Variants in TRPM2 observed in about 807,000 individuals in gnomAD.
TRPM2 encodes transient receptor potential cation channel subfamily M member 2, also known as estrogen-responsive element-associated gene 1 protein.
Under a neutral mutation model 174.0 loss-of-function variants are expected in TRPM2, and 161 were observed. The observed-to-expected ratio is 0.93, with a 90% CI of 0.81 to 1.05. TRPM2 has a LOEUF of 1.05. TRPM2 is among the 50% of genes least tolerant of loss of function. The pLI is 0.00. For missense variants in TRPM2, 2,057 were observed against 2,038.0 expected (o/e 1.01, Z -0.18); for synonymous variants, 954 against 861.3 (o/e 1.11, Z -1.88).
chr21:44,423,837 T>A, intron 23 of TRPM2, 105 bp downstream of exon 23: 2 of 959,340 alleles, frequency 2.1e-6, no homozygotes, highest in Non-Finnish European at 3.2e-6. Context: ...GGAGTGATGG[T>A]GAGGAGGAGG....
intron 16 of TRPM2, among the ~76,000 whole-genome samples, chr21:44,402,688 C>G (rs1463806699): frequency 6.6e-6 from 1 of 152,202 alleles, no homozygotes; most frequent in African/African-American, 2.4e-5. Flanking sequence ...GGCTCAGAGG[C>G]TATCTCCCTG....
At chr21:44,357,577 G>C (rs1215316042) in intron 2 of TRPM2, among the ~76,000 whole-genome samples, 1 of 152,204 alleles carries the variant, frequency 6.6e-6, no homozygotes, top group South Asian at 2.1e-4. Context: ...CGAGAAGCAC[G>C]TGGCCACCTG....
chr21:44,441,942 A>C lies in TRPM2; in HGVS notation c.*125A>C. The C allele has an allele frequency of 7.5e-7, 1 of 1,337,194 alleles. No individual in the cohort carries two copies. Among genetic ancestry groups the C allele is most frequent in the Non-Finnish European group, 9.7e-7 (1 of 1,028,724 alleles). The allele number at this position is 1,337,194 out of a possible 1,614,324, so 82.8% of individuals were successfully genotyped here. ...CCCTGCACATGATGGGGTTTGGTGG[A>C]CCCAGTGCCCCTCACGGCTGCCGCA... is the stretch of plus-strand genomic sequence containing the variant. On this transcript the variant is annotated 3_prime_UTR_variant, in exon 32 of 32. Transcript: ENST00000397928.
At chr21:44,434,490 G>A (rs1042741137) in intron 27 of TRPM2, among the ~76,000 whole-genome samples, 5 of 152,040 alleles carry the variant, frequency 3.3e-5, no homozygotes, top group South Asian at 2.1e-4. Context: ...CGCCCCCACC[G>A]CACGATAGCG....
chr21:44,363,189 T>A (rs142128755), intron 2 of TRPM2, among the ~76,000 whole-genome samples: 2 of 152,366 alleles, frequency 1.3e-5, no homozygotes, highest in Middle Eastern at 3.4e-3. Context: ...CGTGTGTAGG[T>A]TTATGTCTTT....
At position 44,364,301 on chromosome 21, in the gene TRPM2, C is replaced by T. The variant is rs374841324; in HGVS notation, c.423+19C>T. 1.4e-5 allele frequency: 22 copies of T among 1,612,424 alleles called. No individual in the cohort carries two copies. The East Asian group carries it at 2.5e-4, about 18-fold the overall frequency. On this transcript the variant is annotated intron_variant, in intron 3 of 31. Transcript: ENST00000397928. ...GAAAAAGGTTGGTTTCCATCACTCT[C>T]GCTCTGAACTGTAGGTGGAGCTGCA... is the stretch of plus-strand genomic sequence containing the variant.
intron 8 of TRPM2, among the ~76,000 whole-genome samples, chr21:44,380,751 A>G (rs1453403090): frequency 6.6e-6 from 1 of 151,970 alleles, no homozygotes; most frequent in Non-Finnish European, 1.5e-5. Flanking sequence ...GGGCCCGGGG[A>G]CCTCCCTGCA....
rs45467496 is a variant in TRPM2 at position 44,423,756 on chromosome 21, G to A, written c.3549+24G>A. 4,553 of 1,570,586 alleles carry A rather than the reference G, an allele frequency of 2.9e-3. 107 individuals carry two copies. The African/African-American group carries it at 0.049, about 17-fold the overall frequency. ...AGGTGGGTCCGAGGTCGGGGCCTCC[G>A]TCAGGAGGTGCCACTGCTGGGCCTG... On this transcript the variant is annotated intron_variant, in intron 23 of 31. Transcript: ENST00000397928.
At chr21:44,421,053 C>T (rs2050530152) in intron 22 of TRPM2, among the ~76,000 whole-genome samples, 1 of 152,204 alleles carries the variant, frequency 6.6e-6, no homozygotes, top group African/African-American at 2.4e-5. Flanking sequence ...GGCGCGGTGG[C>T]TCACGCCTGT....
rs753416001 is a variant in TRPM2 at position 44,401,881 on chromosome 21, G to T, written c.2522G>T (p.Cys841Phe). 1.1e-5 allele frequency: 17 copies of T among 1,613,726 alleles called. No homozygotes were observed. The highest frequency in any genetic ancestry group is 1.3e-5 in the Non-Finnish European group (15 of 1,179,978). The change falls in exon 16 of 32, where the codon TGC (cysteine) becomes TTC (phenylalanine). Residue 841 changes from cysteine (C) to phenylalanine (F), a missense_variant. By Grantham distance (205) the Cys-to-Phe change is radical (BLOSUM62 -2). Transcript: ENST00000397928. ...AIYLWLFSLV[C>F]EEMRQLFYDP... is the part of the protein sequence containing the mutation. ...TACCTCTGGCTCTTCTCCTTGGTGTGCGAGGAGATGCGGCAGGTACAGCCC... is the reference window on the plus strand; with the variant it reads ...TACCTCTGGCTCTTCTCCTTGGTGTTCGAGGAGATGCGGCAGGTACAGCCC...
intron 2 of TRPM2, among the ~76,000 whole-genome samples, chr21:44,357,372 G>A (rs1387088601): frequency 6.6e-6 from 1 of 152,204 alleles, no homozygotes; most frequent in African/African-American, 2.4e-5. Context: ...CTTGCTTCTG[G>A]AGGTCCCCAA....
rs1029500734 is a variant in TRPM2, at chr21:44,414,197, C to A, written c.3146+123C>A. The A allele has an allele frequency of 7.1e-6, 9 of 1,266,052 alleles. No homozygotes were observed. The African/African-American group carries it at 1.3e-4, about 19-fold the overall frequency. 78.4% of individuals were successfully genotyped at this position (1,266,052 alleles called of 1,614,324 possible). A position where few individuals can be genotyped will look rare whatever the true frequency, so the allele number is the denominator to read the frequency against. On this transcript the variant is annotated intron_variant, in intron 20 of 31. Coordinates refer to ENST00000397928, the MANE Select transcript of TRPM2 (RefSeq NM_003307.4). The stretch of plus-strand genomic sequence containing the variant: ...GATGATGGGCTGGTGCACAGAGGCG[C>A]GTCACTCATATCCTGGTGGAGTGTG...
At chr21:44,418,661 C>A in intron 22 of TRPM2, 106 bp downstream of exon 22, 1 of 1,418,998 alleles carries the variant, frequency 7.0e-7, no homozygotes, top group Non-Finnish European at 9.8e-7. Context: ...CCAGCAATGC[C>A]TCACCGGTGA....
Position 44,354,117 on chromosome 21 carries a change from TAG to T in TRPM2, c.165+255_165+256del, listed in dbSNP as rs1265732722. Among the ~76,000 whole-genome samples the T allele has an allele frequency of 6.6e-6, 1 of 152,214 alleles. No homozygotes were observed. The highest frequency in any genetic ancestry group is 1.5e-5 in the Non-Finnish European group (1 of 68,036). Reference sequence around the variant, plus strand: ...CCGGGTTAACTCAAAAATGTTGCGCTAGAGTCCTGGAAATCTGTTACCCGTGC... The same window carrying T: ...CCGGGTTAACTCAAAAATGTTGCGCTAGTCCTGGAAATCTGTTACCCGTGC... On this transcript the variant is annotated intron_variant, in intron 1 of 31. Coordinates refer to ENST00000397928, the MANE Select transcript of TRPM2 (RefSeq NM_003307.4). This position sits in a 1 kb window ranked among gnomAD's most constrained non-coding sequence, Gnocchi z 4.3.
intron 22 of TRPM2, among the ~76,000 whole-genome samples, chr21:44,421,754 T>TA (rs199942576): frequency 2.0e-5 from 3 of 151,598 alleles, no homozygotes; most frequent in African/African-American, 7.3e-5. Flanking sequence ...CTACAAAAAA[T>TA]AAAAAAACAA....
intron 24 of TRPM2, 95 bp downstream of exon 24, chr21:44,425,034 C>T (rs1429967614): frequency 7.8e-6 from 9 of 1,158,706 alleles, no homozygotes; most frequent in Admixed American, 2.2e-5. Flanking sequence ...GGGTGGGGGG[C>T]TCTGTCCAGG....
rs556639543 is a variant in TRPM2 at position 44,421,190 on chromosome 21, C to T, written c.3462-2455C>T. ...AAAATTAGCCGGGTGTGGTGGCGTG[C>T]GCTTGTAATCCCAGCTACTTGGGAG... On this transcript the variant is annotated intron_variant, in intron 22 of 31. Transcript: ENST00000397928. Among the ~76,000 whole-genome samples, 20 of 152,154 alleles carry T rather than the reference C, an allele frequency of 1.3e-4. No homozygotes were observed. In the East Asian group the frequency reaches 2.9e-3, roughly 22 times the overall value.
intron 2 of TRPM2, among the ~76,000 whole-genome samples, chr21:44,361,602 G>T (rs1234981619): frequency 6.7e-6 from 1 of 150,284 alleles, no homozygotes. Flanking sequence ...GTATGTTAGG[G>T]CTTATGTCTG....
At chr21:44,425,027 T>G (rs2146374737) in intron 24 of TRPM2, 88 bp downstream of exon 24, 8 of 1,151,416 alleles carry the variant, frequency 6.9e-6, no homozygotes, top group Non-Finnish European at 8.6e-6. Context: ...CAGCTGGGGG[T>G]GGGGGGCTCT....
Sources: gnomAD v4.1 joint callset for allele counts (sites outside exome capture counted in the v4.1 genomes callset) on GRCh38, gnomAD v4.1.1 for gene constraint, Gnocchi (gnomAD v3.1) non-coding constraint, MANE v1.5 for transcripts, NCBI Gene and HGNC (gene_info 2026-07-23, HGNC 2026-07-21) for gene names.